The following SYNPO2 variants were observed in gnomAD, a reference collection of about 807,000 sequenced individuals.
The protein encoded by SYNPO2 is synaptopodin-2.
Under a neutral mutation model 85.0 loss-of-function variants are expected in SYNPO2, and 56 were observed. That is an observed-to-expected ratio of 0.66 (90% CI 0.53 to 0.82). The LOEUF is 0.82. SYNPO2 is among the 40% of genes least tolerant of loss of function. SYNPO2 has a pLI of 0.00. For missense variants in SYNPO2, 1,575 were observed against 1,534.2 expected, an observed-to-expected ratio of 1.03 and a Z score of -0.44; for synonymous variants, 602 against 591.1, an observed-to-expected ratio of 1.02 and a Z score of -0.27.
chr4:119,051,480 C>T (rs1188480361), intron 4 of SYNPO2, among the ~76,000 whole-genome samples: 3 of 151,800 alleles, frequency 2.0e-5, no homozygotes, highest in Admixed American at 6.6e-5. Flanking sequence ...CGTGAGCCAC[C>T]GCGCCCGGCC....
chr4:118,869,418 C>T (rs1255147689), intron 1 of SYNPO2, among the ~76,000 whole-genome samples: 7 of 152,096 alleles, frequency 4.6e-5, no homozygotes, highest in East Asian at 1.9e-4. Flanking sequence ...AGTCAATAAA[C>T]GTTGAAATCT....
At chr4:118,915,587 C>T (rs1733288453) in intron 1 of SYNPO2, among the ~76,000 whole-genome samples, 2 of 152,226 alleles carry the variant, frequency 1.3e-5, no homozygotes, top group Middle Eastern at 6.8e-3. Flanking sequence ...TCACCATTCT[C>T]TTGTTGATGG....
chr4:118,923,938 A>G (rs1733628316), intron 1 of SYNPO2, among the ~76,000 whole-genome samples: 1 of 152,032 alleles, frequency 6.6e-6, no homozygotes, highest in Non-Finnish European at 1.5e-5. Context: ...GTTTTTTAAG[A>G]AAGTCTTGAA....
chr4:118,909,604 T>G (rs904868174), intron 1 of SYNPO2, among the ~76,000 whole-genome samples: 1 of 152,236 alleles, frequency 6.6e-6, no homozygotes, highest in Non-Finnish European at 1.5e-5. Flanking sequence ...CATAGACAGC[T>G]TTGATAGTGG....
Position 118,965,565 on chromosome 4 carries a change from T to C in SYNPO2, c.106-57865T>C, listed in dbSNP as rs567647668. Among the ~76,000 whole-genome samples, 15 of 152,320 alleles carry C rather than the reference T, an allele frequency of 9.8e-5. No individual in the cohort carries two copies. The South Asian group carries it at 3.1e-3, about 32-fold the overall frequency. On this transcript the variant is annotated intron_variant, in intron 1 of 4. Coordinates refer to ENST00000307142, the MANE Select transcript of SYNPO2 (RefSeq NM_133477.3). Reference sequence around the variant, plus strand: ...AAGGAGACTTTTATGTTCCAGGATCTACTGTCTAGCCTCCATAGAAGGCAA... The same window carrying C: ...AAGGAGACTTTTATGTTCCAGGATCCACTGTCTAGCCTCCATAGAAGGCAA...
upstream of SYNPO2, among the ~76,000 whole-genome samples, chr4:118,888,687 T>G (rs1732255386): frequency 6.6e-6 from 1 of 152,230 alleles, no homozygotes; most frequent in Non-Finnish European, 1.5e-5. Flanking sequence ...TGGCTCTCCC[T>G]TCCGTCCTCC....
At chr4:118,908,697 T>C (rs1289239618) in intron 1 of SYNPO2, among the ~76,000 whole-genome samples, 1 of 152,076 alleles carries the variant, frequency 6.6e-6, no homozygotes, top group African/African-American at 2.4e-5. Flanking sequence ...TACGTGAAAA[T>C]AGGTTGTGCA....
intron 1 of SYNPO2, among the ~76,000 whole-genome samples, chr4:118,969,042 G>A (rs1406062190): frequency 6.6e-6 from 1 of 152,206 alleles, no homozygotes; most frequent in Non-Finnish European, 1.5e-5. Context: ...AGTTGAGCAA[G>A]TCCAGGAGTC....
intron 1 of SYNPO2, among the ~76,000 whole-genome samples, chr4:119,022,754 TTTATTTTATA>T (rs1737785631): frequency 1.4e-5 from 2 of 146,356 alleles, no homozygotes; most frequent in African/African-American, 5.0e-5. Context: ...TTTATTTTAT[TTTATTTTATA>T]TTTTATTTTA....
In SYNPO2 at chr4:118,905,434, G is replaced by T. The variant is rs555926456; in HGVS notation, c.105+16293G>T. Among the ~76,000 whole-genome samples, 156 of 93,610 alleles carry T rather than the reference G, an allele frequency of 1.7e-3. 1 individual carries two copies. Among genetic ancestry groups the T allele is most frequent in the African/African-American group, 4.3e-3 (146 of 34,068 alleles). 61.4% of individuals were successfully genotyped at this position (93,610 alleles called of 152,430 possible). ...AAGAAACAGAAGTGGTACCTGATGTGTGTGTGTGCGTGTGTGTGTGTGTGT... is the reference window on the plus strand; with the variant it reads ...AAGAAACAGAAGTGGTACCTGATGTTTGTGTGTGCGTGTGTGTGTGTGTGT... On this transcript the variant is annotated intron_variant, in intron 1 of 4. Transcript: ENST00000307142.
chr4:118,867,061 T>G (rs1731708834), intron 1 of SYNPO2, among the ~76,000 whole-genome samples: 1 of 152,208 alleles, frequency 6.6e-6, no homozygotes, highest in African/African-American at 2.4e-5. Flanking sequence ...TACCTCTTTT[T>G]GAAATAACGT....
rs376921340 is a variant in SYNPO2, at chr4:118,932,960, A to C, written c.105+43819A>C. ...AACATGCTCCACCCTGAAAATTCAC[A>C]ATTTTATTTTAATACCAGAACTTGC... is the stretch of plus-strand genomic sequence containing the variant. On this transcript the variant is annotated intron_variant, in intron 1 of 4. Coordinates refer to ENST00000307142, the MANE Select transcript of SYNPO2 (RefSeq NM_133477.3). Among the ~76,000 whole-genome samples the C allele has an allele frequency of 7.2e-5, 11 of 152,296 alleles. No individual in the cohort carries two copies. The East Asian group carries it at 7.7e-4, about 11-fold the overall frequency.
chr4:119,021,115 G>T (rs1019786424), intron 1 of SYNPO2, among the ~76,000 whole-genome samples: 3 of 152,104 alleles, frequency 2.0e-5, no homozygotes, highest in Non-Finnish European at 4.4e-5. Flanking sequence ...AGTGGGGAAG[G>T]CTTTCTACAG....
At chr4:118,996,730 GC>G (rs1736610814) in intron 1 of SYNPO2, among the ~76,000 whole-genome samples, 1 of 151,568 alleles carries the variant, frequency 6.6e-6, no homozygotes, top group Non-Finnish European at 1.5e-5. Context: ...GGTGGCACAC[GC>G]CTGTAGTCCC....
intron 1 of SYNPO2, among the ~76,000 whole-genome samples, chr4:118,997,153 T>C (rs978256854): frequency 1.4e-5 from 2 of 139,108 alleles, no homozygotes; most frequent in Non-Finnish European, 3.0e-5. Flanking sequence ...GGCAGGAGAA[T>C]GGCGTGAACC....
At chr4:119,020,993 T>A (rs1475429782) in intron 1 of SYNPO2, among the ~76,000 whole-genome samples, 1 of 152,196 alleles carries the variant, frequency 6.6e-6, no homozygotes, top group African/African-American at 2.4e-5. Flanking sequence ...TCATTTAATA[T>A]TTTCTAATAA....
intron 4 of SYNPO2, chr4:119,036,956 A>G: frequency 8.0e-7 from 1 of 1,252,446 alleles, no homozygotes; most frequent in Non-Finnish European, 1.0e-6. Context: ...CTAGACTCCT[A>G]CAGGGTCCTA....
chr4:118,875,275 T>A (rs1731883984), intron 1 of SYNPO2, among the ~76,000 whole-genome samples: 1 of 152,230 alleles, frequency 6.6e-6, no homozygotes, highest in Non-Finnish European at 1.5e-5. Context: ...GCATTTAGAT[T>A]GGAATAACAG....
chr4:118,977,316 G>A (rs1330566529), intron 1 of SYNPO2, among the ~76,000 whole-genome samples: 1 of 152,248 alleles, frequency 6.6e-6, no homozygotes, highest in African/African-American at 2.4e-5. Context: ...CATTGCCCGA[G>A]GCCGCAGGGC....
Sources: allele counts gnomAD v4.1 joint callset (sites outside exome capture counted in the v4.1 genomes callset), GRCh38; gene constraint gnomAD v4.1.1; transcripts MANE v1.5; gene names NCBI Gene and HGNC (gene_info 2026-07-23, HGNC 2026-07-21).